The following CACNG3 variants were observed in gnomAD, a reference collection of about 807,000 sequenced individuals.
CACNG3 encodes calcium voltage-gated channel auxiliary subunit gamma 3, also known as voltage-dependent calcium channel gamma-3 subunit.
In CACNG3, 3 loss-of-function variants were observed where a neutral mutation model predicts 28.5. The ratio of observed to expected loss-of-function variants is 0.11; its 90% CI spans 0.05 to 0.27. The LOEUF (loss-of-function observed/expected upper bound fraction) is 0.27. CACNG3 is among the 10% of genes least tolerant of loss of function. The pLI is 1.00. For synonymous variants in CACNG3, 174 were observed against 162.2 expected, an observed-to-expected ratio of 1.07 and a Z score of -0.55; for missense variants, 236 against 414.4, an observed-to-expected ratio of 0.57 and a Z score of 3.74.
At chr16:24,296,074 C>T (rs1005357140) in intron 1 of CACNG3, among the ~76,000 whole-genome samples, 7 of 152,190 alleles carry the variant, frequency 4.6e-5, no homozygotes, top group African/African-American at 7.2e-5. Context: ...CAAAATAAGA[C>T]ATACAGATCT....
intron 1 of CACNG3, among the ~76,000 whole-genome samples, chr16:24,262,664 T>C (rs749826438): frequency 2.0e-5 from 3 of 152,200 alleles, no homozygotes; most frequent in Non-Finnish European, 2.9e-5. Context: ...TTGTGTCCCA[T>C]TGGTTGTTAC....
chr16:24,348,564 G>A (rs1183305314), intron 2 of CACNG3, among the ~76,000 whole-genome samples: 1 of 152,136 alleles, frequency 6.6e-6, no homozygotes, highest in Non-Finnish European at 1.5e-5. Context: ...ATGTCTCTCT[G>A]GGCCTGATAA....
intron 1 of CACNG3, among the ~76,000 whole-genome samples, chr16:24,259,481 A>AT (rs1898510963): frequency 6.6e-6 from 1 of 152,096 alleles, no homozygotes; most frequent in Non-Finnish European, 1.5e-5. Flanking sequence ...CAAAATCCTC[A>AT]TTTTCTGGTC....
At chr16:24,316,483 C>T (rs114415563) in intron 1 of CACNG3, among the ~76,000 whole-genome samples, 1 of 152,270 alleles carries the variant, frequency 6.6e-6, no homozygotes, top group African/African-American at 2.4e-5. Flanking sequence ...TGAGACAAAG[C>T]TCCTGCGGGA....
At chr16:24,341,262 C>G (rs1374717713) in intron 1 of CACNG3, among the ~76,000 whole-genome samples, 1 of 152,228 alleles carries the variant, frequency 6.6e-6, no homozygotes, top group East Asian at 1.9e-4. Flanking sequence ...CATGAATGTC[C>G]AAGCTCACTT....
intron 1 of CACNG3, among the ~76,000 whole-genome samples, chr16:24,333,006 A>G (rs1899651891): frequency 6.6e-6 from 1 of 152,234 alleles, no homozygotes; most frequent in Non-Finnish European, 1.5e-5. Context: ...ATGATGTGAT[A>G]GACACATCCA....
chr16:24,296,823 A>G (rs1479932880), intron 1 of CACNG3, among the ~76,000 whole-genome samples: 1 of 152,200 alleles, frequency 6.6e-6, no homozygotes, highest in Non-Finnish European at 1.5e-5. Context: ...GGGCTTCATT[A>G]TCTATTTTGA....
At chr16:24,293,498 C>T (rs754598392) in intron 1 of CACNG3, among the ~76,000 whole-genome samples, 1 of 152,162 alleles carries the variant, frequency 6.6e-6, no homozygotes, top group Non-Finnish European at 1.5e-5. Context: ...TCTCAGGGCC[C>T]TCAGTTCTCC....
rs538323295 is a variant in CACNG3, at chr16:24,359,399, C to T, written c.437-1953C>T. Reference sequence around the variant, plus strand: ...TGGTTTCTTGCAGGCTGACACAGAGCTGGATGTGTCAAACCCCATAATAAG... The same window carrying T: ...TGGTTTCTTGCAGGCTGACACAGAGTTGGATGTGTCAAACCCCATAATAAG... On this transcript the variant is annotated intron_variant, in intron 3 of 3. Transcript: ENST00000005284. Among the ~76,000 whole-genome samples the T allele has an allele frequency of 2.6e-5, 4 of 152,244 alleles. No homozygotes were observed. In the South Asian group the frequency reaches 8.3e-4, roughly 32 times the overall value.
intron 3 of CACNG3, among the ~76,000 whole-genome samples, chr16:24,356,358 T>C (rs1277919160): frequency 6.6e-6 from 1 of 152,164 alleles, no homozygotes; most frequent in Non-Finnish European, 1.5e-5. Flanking sequence ...GGAAATGTGA[T>C]CATCTCTTTG....
intron 1 of CACNG3, among the ~76,000 whole-genome samples, chr16:24,332,882 C>T (rs565348154): frequency 3.3e-5 from 5 of 152,106 alleles, no homozygotes; most frequent in East Asian, 1.9e-4. Context: ...CTTGTCAACA[C>T]GTGACAAAAC....
intron 1 of CACNG3, among the ~76,000 whole-genome samples, chr16:24,288,285 C>G (rs183223350): frequency 6.6e-6 from 1 of 152,294 alleles, no homozygotes; most frequent in East Asian, 1.9e-4. Context: ...ACTATGCTAA[C>G]AGCTTCACAT....
chr16:24,301,885 C>T (rs1044820921), intron 1 of CACNG3, among the ~76,000 whole-genome samples: 1 of 152,124 alleles, frequency 6.6e-6, no homozygotes, highest in African/African-American at 2.4e-5. Flanking sequence ...TGGACCTGTC[C>T]ATAGCTGTAT....
chr16:24,257,959 C>A lies in CACNG3; in HGVS notation c.211+994C>A, dbSNP rs558494542. 3.9e-5 allele frequency among the ~76,000 whole-genome samples: 6 copies of A among 152,272 alleles called. No individual in the cohort carries two copies. In the East Asian group the frequency reaches 1.2e-3, roughly 29 times the overall value. On this transcript the variant is annotated intron_variant, in intron 1 of 3. Coordinates refer to ENST00000005284, the MANE Select transcript of CACNG3 (RefSeq NM_006539.4). ...TAAATAGAAAGATAAGGAAGAAAAT[C>A]AAAGCTCTTTGGAGCCTATGTGCCT...
At chr16:24,282,353 C>A (rs888507738) in intron 1 of CACNG3, among the ~76,000 whole-genome samples, 3 of 151,762 alleles carry the variant, frequency 2.0e-5, no homozygotes, top group East Asian at 1.9e-4. Context: ...GGGCTTATTG[C>A]GGGCTAATCC....
chr16:24,333,107 C>T (rs1337238579), intron 1 of CACNG3, among the ~76,000 whole-genome samples: 1 of 152,126 alleles, frequency 6.6e-6, no homozygotes, highest in South Asian at 2.1e-4. Flanking sequence ...ATTTTATGAT[C>T]CTGCTGTGAA....
chr16:24,265,347 A>AGAGG, intron 1 of CACNG3, among the ~76,000 whole-genome samples: 1 of 87,462 alleles, frequency 1.1e-5, no homozygotes, highest in African/African-American at 8.0e-5. Flanking sequence ...AAAGAAAGAA[A>AGAGG]AAGGAAAGAA....
chr16:24,267,010 A>G (rs1898619039), intron 1 of CACNG3, among the ~76,000 whole-genome samples: 1 of 144,288 alleles, frequency 6.9e-6, no homozygotes, highest in Non-Finnish European at 1.5e-5. Flanking sequence ...TCTATCGCCC[A>G]GGCTGGAGTG....
At chr16:24,334,748 T>G (rs771419824) in intron 1 of CACNG3, among the ~76,000 whole-genome samples, 1 of 152,250 alleles carries the variant, frequency 6.6e-6, no homozygotes, top group Non-Finnish European at 1.5e-5. Flanking sequence ...GAAAGCTCTG[T>G]CTGGCCTTTG....
Sources: gnomAD v4.1 joint callset for allele counts (sites outside exome capture counted in the v4.1 genomes callset) on GRCh38, gnomAD v4.1.1 for gene constraint, MANE v1.5 for transcripts, NCBI Gene and HGNC (gene_info 2026-07-23, HGNC 2026-07-21) for gene names.